AGO3: variants seen among roughly 807,000 people sequenced by gnomAD.
AGO3 encodes argonaute RISC catalytic component 3, also known as protein argonaute-3.
AGO3 carries 16 observed loss-of-function variants against 105.5 expected under a neutral mutation model. That is an observed-to-expected ratio of 0.15 (90% confidence interval 0.10 to 0.23). The LOEUF is 0.23. AGO3 is among the 10% of genes least tolerant of loss of function. The pLI is 1.00. For missense variants in AGO3, 534 were observed against 1,088.0 expected, an observed-to-expected ratio of 0.49 and a Z score of 7.16; for synonymous variants, 340 against 367.3, an observed-to-expected ratio of 0.93 and a Z score of 0.85.
In AGO3 at chr1:36,070,546, T is replaced by G. The variant is rs1256898367; in HGVS notation, c.*14801T>G. 6.6e-6 allele frequency: 1 copy of G among 152,180 alleles called. No homozygotes were observed. The highest frequency in any genetic ancestry group is 1.5e-5 in the Non-Finnish European group (1 of 68,032). 9.4% of individuals were successfully genotyped at this position (152,180 alleles called of 1,614,324 possible). A position where few individuals can be genotyped will look rare whatever the true frequency, so the allele number is the denominator to read the frequency against. On this transcript the variant is annotated 3_prime_UTR_variant, in exon 19 of 19. Coordinates refer to ENST00000373191, the MANE Select transcript of AGO3 (RefSeq NM_024852.4). ...TCTTTGTTGCAACAGACAAGATTTT[T>G]TTTAAAAAAAGAAAAAAGGATGCAT... is the stretch of plus-strand genomic sequence containing the variant.
chr1:36,008,797 G>A lies in AGO3; in HGVS notation c.881+20G>A. On this transcript the variant is annotated intron_variant, in intron 7 of 18. Coordinates refer to ENST00000373191, the MANE Select transcript of AGO3 (RefSeq NM_024852.4). The surrounding 1 kb of genome is among the most constrained non-coding windows in gnomAD (Gnocchi z 5.1). ...TCAAACGTAAGAAAAGTTTGTCAGAGCAGCGATGGTGTGAGGCAGCTTGCT... is the reference window on the plus strand; with the variant it reads ...TCAAACGTAAGAAAAGTTTGTCAGAACAGCGATGGTGTGAGGCAGCTTGCT... 1 of 1,614,098 alleles carries A rather than the reference G, an allele frequency of 6.2e-7. No individual in the cohort carries two copies. Among genetic ancestry groups the A allele is most frequent in the Non-Finnish European group, 8.5e-7 (1 of 1,179,984 alleles).
rs2148866078 is a variant in AGO3 at position 36,055,906 on chromosome 1, G to GT, written c.*164dup. On this transcript the variant is annotated 3_prime_UTR_variant, in exon 19 of 19. Coordinates refer to ENST00000373191, the MANE Select transcript of AGO3 (RefSeq NM_024852.4). This position sits in a 1 kb window ranked among gnomAD's most constrained non-coding sequence, Gnocchi z 4.4. ...TCCTTATGTTAATACAAGGAAGATT[G>GT]TTTACTTCATCAAGGAACACAGCAT... The GT allele has an allele frequency of 1.6e-6, 1 of 608,552 alleles. No homozygotes were observed. Among genetic ancestry groups the GT allele is most frequent in the African/African-American group, 1.8e-5 (1 of 54,098 alleles). The allele number at this position is 608,552 out of a possible 1,614,324, so 37.7% of individuals were successfully genotyped here.
chr1:35,982,619 A>G (rs1176060009), intron 5 of AGO3: 2 of 717,706 alleles, frequency 2.8e-6, no homozygotes, highest in South Asian at 3.0e-5. Flanking sequence ...TTTGTTTTCC[A>G]GAAAGAGACC....
At chr1:35,971,085 TTTATA>T (rs1252209348) in intron 3 of AGO3, among the ~76,000 whole-genome samples, 3 of 143,892 alleles carry the variant, frequency 2.1e-5, no homozygotes, top group Non-Finnish European at 3.0e-5. Context: ...AATATATAAA[TTTATA>T]TTATAAATTA....
chr1:36,004,795 A>C (rs1266486224), intron 6 of AGO3, among the ~76,000 whole-genome samples: 5 of 152,118 alleles, frequency 3.3e-5, no homozygotes, highest in Non-Finnish European at 4.4e-5. Flanking sequence ...CACTCCAAAA[A>C]TATTTGTTAT....
chr1:36,034,412 A>G (rs901288989), intron 13 of AGO3, 79 bp downstream of exon 13: 3 of 1,065,626 alleles, frequency 2.8e-6, no homozygotes, highest in Non-Finnish European at 1.2e-6. Context: ...TAACTACTAT[A>G]AGGGCTGTGT....
intron 2 of AGO3, among the ~76,000 whole-genome samples, chr1:35,951,203 G>A (rs990011159): frequency 4.6e-5 from 7 of 152,082 alleles, no homozygotes; most frequent in Non-Finnish European, 1.0e-4. Flanking sequence ...CACCCACCTC[G>A]GCTTCCCGAA....
At chr1:35,990,190 C>G (rs1647488826) in intron 5 of AGO3, among the ~76,000 whole-genome samples, 2 of 152,124 alleles carry the variant, frequency 1.3e-5, no homozygotes, top group Admixed American at 1.3e-4. Flanking sequence ...GCAGGCAAAT[C>G]TCAGATCTTA....
chr1:36,030,492 G>A (rs145051134), intron 12 of AGO3, among the ~76,000 whole-genome samples: 111 of 146,816 alleles, frequency 7.6e-4, no homozygotes, highest in East Asian at 9.9e-4. Flanking sequence ...GCAACAGAGC[G>A]AGACCCTTTC....
intron 9 of AGO3, among the ~76,000 whole-genome samples, chr1:36,010,894 G>A (rs1382048158): frequency 2.6e-5 from 3 of 116,296 alleles, no homozygotes; most frequent in Admixed American, 1.1e-4. Flanking sequence ...CAACAAGAGC[G>A]AAACTCTGTC....
At position 36,054,305 on chromosome 1, in the gene AGO3, CTA is replaced by C. The variant is rs1642841575; in HGVS notation, c.2275-639_2275-638del. Reference sequence around the variant, plus strand: ...ATTTATTTATTGAGACAAAGTTTCACTATGTCACCCAGGCTGGAGTGCAATGA... The same window carrying C: ...ATTTATTTATTGAGACAAAGTTTCACTGTCACCCAGGCTGGAGTGCAATGA... On this transcript the variant is annotated intron_variant, in intron 17 of 18. Transcript: ENST00000373191. Among the ~76,000 whole-genome samples, 3 of 152,070 alleles carry C rather than the reference CTA, an allele frequency of 2.0e-5. No individual in the cohort carries two copies. In the South Asian group the frequency reaches 6.2e-4, roughly 32 times the overall value.
At chr1:35,958,251 C>T (rs747749645) in intron 2 of AGO3, among the ~76,000 whole-genome samples, 36 of 151,602 alleles carry the variant, frequency 2.4e-4, no homozygotes, top group Non-Finnish European at 3.7e-4. Context: ...CATGGTGGTG[C>T]GCGTTTGTAA....
chr1:36,011,056 C>T (rs1490836781), intron 9 of AGO3, among the ~76,000 whole-genome samples: 1 of 152,062 alleles, frequency 6.6e-6, no homozygotes, highest in African/African-American at 2.4e-5. Context: ...GGAAGGAAGG[C>T]GTTACCAATA....
chr1:36,017,514 C>T (rs1195775538), intron 11 of AGO3, among the ~76,000 whole-genome samples: 1 of 152,194 alleles, frequency 6.6e-6, no homozygotes, highest in African/African-American at 2.4e-5. Context: ...TAACCATAGT[C>T]TTTGCAGTAG....
chr1:36,055,770 G>A lies in AGO3; in HGVS notation c.*25G>A, dbSNP rs372307716. On this transcript the variant is annotated 3_prime_UTR_variant, in exon 19 of 19. Coordinates refer to ENST00000373191, the MANE Select transcript of AGO3 (RefSeq NM_024852.4). This position sits in a 1 kb window ranked among gnomAD's most constrained non-coding sequence, Gnocchi z 4.4. ...AATAGTCCAAGTATATTCTCTGAGA[G>A]GAAGTACTGAAAGATGAATTGACAT... 495 of 1,606,836 alleles carry A rather than the reference G, an allele frequency of 3.1e-4. No homozygotes were observed. Among genetic ancestry groups the A allele is most frequent in the Non-Finnish European group, 4.0e-4 (467 of 1,173,826 alleles).
intron 2 of AGO3, among the ~76,000 whole-genome samples, chr1:35,955,353 T>C (rs1245880927): frequency 6.6e-6 from 1 of 152,194 alleles, no homozygotes; most frequent in Non-Finnish European, 1.5e-5. Flanking sequence ...CATATAGATA[T>C]AAATGCACAC....
rs567052085 is a variant in AGO3 at position 36,045,963 on chromosome 1, T to C, written c.2274+2415T>C. Among the ~76,000 whole-genome samples the C allele has an allele frequency of 2.0e-5, 3 of 152,186 alleles. No individual in the cohort carries two copies. In the South Asian group the frequency reaches 6.2e-4, roughly 32 times the overall value. On this transcript the variant is annotated intron_variant, in intron 17 of 18. Transcript: ENST00000373191. ...CCACACAGAGAACAGAAAGAAACAC[T>C]GAGCCTCCACTACTCCATCTCCAAA...
At chr1:35,993,304 A>G (rs916110338) in intron 5 of AGO3, among the ~76,000 whole-genome samples, 6 of 152,276 alleles carry the variant, frequency 3.9e-5, no homozygotes, top group Non-Finnish European at 8.8e-5. Context: ...TTTAATTAAA[A>G]AACTGTACAG....
At chr1:36,026,205 T>G (rs776904025) in intron 11 of AGO3, among the ~76,000 whole-genome samples, 8 of 152,104 alleles carry the variant, frequency 5.3e-5, no homozygotes, top group Non-Finnish European at 1.0e-4. Flanking sequence ...GCTTCCCAGA[T>G]TCAAGTGATT....
Sources: gnomAD v4.1 joint callset for allele counts (sites outside exome capture counted in the v4.1 genomes callset) on GRCh38, gnomAD v4.1.1 for gene constraint, Gnocchi (gnomAD v3.1) non-coding constraint, MANE v1.5 for transcripts, NCBI Gene and HGNC (gene_info 2026-07-23, HGNC 2026-07-21) for gene names.